ANKRD42: variants seen among roughly 807,000 people sequenced by gnomAD.
ANKRD42 encodes ankyrin repeat domain-containing protein 42.
In ANKRD42, 43 loss-of-function variants were observed where a neutral mutation model predicts 51.5. The ratio of observed to expected loss-of-function variants is 0.83; its 90% CI spans 0.65 to 1.08. The LOEUF (loss-of-function observed/expected upper bound fraction) is 1.08. Ranked by LOEUF, ANKRD42 falls within the 50% of genes least tolerant of loss-of-function variation. ANKRD42 has a pLI of 0.00. For synonymous variants in ANKRD42, 203 were observed against 213.0 expected (o/e 0.95, Z 0.41); for missense variants, 608 against 629.3 (o/e 0.97, Z 0.36).
At chr11:83,230,730 G>C (rs1863043009) in intron 7 of ANKRD42, among the ~76,000 whole-genome samples, 1 of 152,168 alleles carries the variant, frequency 6.6e-6, no homozygotes, top group African/African-American at 2.4e-5. Flanking sequence ...GGGACTACAG[G>C]TGTGTGCCAC....
At chr11:83,256,672 G>A (rs551117528), downstream of ANKRD42, among the ~76,000 whole-genome samples, 8 of 152,276 alleles carry the variant, frequency 5.3e-5, no homozygotes, top group South Asian at 1.7e-3. Flanking sequence ...TTCCCTGGCA[G>A]CAGCCATCTC....
chr11:83,196,219 C>T (rs1461548633), intron 1 of ANKRD42, among the ~76,000 whole-genome samples: 1 of 152,210 alleles, frequency 6.6e-6, no homozygotes, highest in African/African-American at 2.4e-5. Flanking sequence ...CTTGTAAACT[C>T]AGCCTTACAG....
intron 10 of ANKRD42, 69 bp from the exon 11 acceptor site, chr11:83,247,873 CT>C: frequency 7.8e-7 from 1 of 1,277,258 alleles, no homozygotes; most frequent in Admixed American, 2.3e-5. Context: ...TGTATGAATG[CT>C]TTCCACTACT....
intron 4 of ANKRD42, among the ~76,000 whole-genome samples, chr11:83,210,984 C>G (rs928363172): frequency 2.0e-5 from 3 of 152,156 alleles, no homozygotes; most frequent in African/African-American, 7.2e-5. Context: ...TTTATATTCT[C>G]AATGATAGTA....
chr11:83,252,021 C>G (rs1017993377), downstream of ANKRD42, among the ~76,000 whole-genome samples: 1 of 152,156 alleles, frequency 6.6e-6, no homozygotes. Context: ...TCTTTCTTCT[C>G]TCCTATCTGA....
At chr11:83,249,471 A>G (rs966874751), downstream of ANKRD42, among the ~76,000 whole-genome samples, 5 of 152,134 alleles carry the variant, frequency 3.3e-5, no homozygotes, top group Admixed American at 3.3e-4. Context: ...TAGGTGGGAC[A>G]ATCTTTTGGG....
At chr11:83,202,274 G>C (rs2135484201) in intron 2 of ANKRD42, among the ~76,000 whole-genome samples, 1 of 152,302 alleles carries the variant, frequency 6.6e-6, no homozygotes, top group African/African-American at 2.4e-5. Context: ...GCAAAAGTCA[G>C]ATTTGTTGAA....
intron 2 of ANKRD42, among the ~76,000 whole-genome samples, chr11:83,203,982 G>T (rs766418826): frequency 2.0e-5 from 3 of 151,906 alleles, no homozygotes; most frequent in African/African-American, 7.3e-5. Context: ...TGGTTCTGTT[G>T]TCCAGGCTGG....
rs1590983146 is a variant in ANKRD42 at position 83,217,636 on chromosome 11, C to T, written c.586+6206C>T. Among the ~76,000 whole-genome samples, 5 of 152,312 alleles carry T rather than the reference C, an allele frequency of 3.3e-5. No individual in the cohort carries two copies. The South Asian group carries it at 1.0e-3, about 32-fold the overall frequency. On this transcript the variant is annotated intron_variant, in intron 5 of 10. Coordinates refer to ENST00000533342, the MANE Select transcript of ANKRD42 (RefSeq NM_001300975.2). ...CATGAGCTGGCACTTGCCCTGGCCA[C>T]CCTCAGGCCTGTTGCTGAATCATCT...
chr11:83,208,442 G>C (rs567041140), intron 3 of ANKRD42, among the ~76,000 whole-genome samples: 1 of 152,186 alleles, frequency 6.6e-6, no homozygotes, highest in South Asian at 2.1e-4. Flanking sequence ...GACCTTAACC[G>C]GGGAATGAGA....
intron 3 of ANKRD42, among the ~76,000 whole-genome samples, chr11:83,207,815 T>G (rs1862134940): frequency 6.6e-6 from 1 of 152,216 alleles, no homozygotes; most frequent in East Asian, 1.9e-4. Context: ...ATTGGAAAAT[T>G]GGGCTGTGTT....
chr11:83,209,373 G>A, intron 3 of ANKRD42: 1 of 1,533,866 alleles, frequency 6.5e-7, no homozygotes, highest in Non-Finnish European at 8.9e-7. Flanking sequence ...GCAGCGCGGG[G>A]CTGCAGGCTA....
At chr11:83,250,304 T>C (rs1316475598), downstream of ANKRD42, among the ~76,000 whole-genome samples, 2 of 152,188 alleles carry the variant, frequency 1.3e-5, no homozygotes, top group Non-Finnish European at 2.9e-5. Context: ...TTTCCTAGGA[T>C]AGTTTGACAT....
chr11:83,220,017 A>G (rs1438118489), intron 5 of ANKRD42, among the ~76,000 whole-genome samples: 1 of 152,238 alleles, frequency 6.6e-6, no homozygotes. Context: ...AAAGAAGTCT[A>G]GCCGGCAGAC....
rs1863605703 is a variant in ANKRD42 at position 83,248,329 on chromosome 11, ACACACAC to A, written c.*126_*132del. The A allele has an allele frequency of 3.4e-6, 4 of 1,180,096 alleles. No homozygotes were observed. The highest frequency in any genetic ancestry group is 4.3e-6 in the Non-Finnish European group (4 of 925,638). The allele number at this position is 1,180,096 out of a possible 1,614,324, so 73.1% of individuals were successfully genotyped here. ...CACACACACACACACACACACACAC[ACACACAC>A]TCTATATGTAACTATAACTTTCTAG... On this transcript the variant is annotated 3_prime_UTR_variant, in exon 11 of 11. Transcript: ENST00000533342.
chr11:83,202,545 A>G (rs1861911347), intron 2 of ANKRD42, among the ~76,000 whole-genome samples: 1 of 152,186 alleles, frequency 6.6e-6, no homozygotes, highest in Non-Finnish European at 1.5e-5. Flanking sequence ...TGGTAGCTTG[A>G]TGGGAATAGC....
chr11:83,261,767 C>G (rs540008405), downstream of ANKRD42: 21 of 595,958 alleles, frequency 3.5e-5, no homozygotes, highest in African/African-American at 4.0e-4. Flanking sequence ...TCTTCTCATT[C>G]TAAAACACTT....
At chr11:83,255,875 G>C (rs900033575) in exon 12 of ANKRD42, 108 of 1,533,924 alleles carry the variant, frequency 7.0e-5, no homozygotes, top group Non-Finnish European at 9.0e-5. Flanking sequence ...GTCAAACAAA[G>C]AGAAGAGGCG....
At chr11:83,213,001 C>T (rs769235082) in intron 5 of ANKRD42, 3 of 1,599,544 alleles carry the variant, frequency 1.9e-6, no homozygotes, top group South Asian at 2.2e-5. Flanking sequence ...TCCTCCTCAG[C>T]ATCATGGCCA....
Sources: gnomAD v4.1 joint callset for allele counts (sites outside exome capture counted in the v4.1 genomes callset) on GRCh38, gnomAD v4.1.1 for gene constraint, MANE v1.5 for transcripts, NCBI Gene and HGNC (gene_info 2026-07-23, HGNC 2026-07-21) for gene names.